STARD13: variants seen among roughly 807,000 people sequenced by gnomAD.
STARD13 encodes the protein stAR-related lipid transfer protein 13.
A neutral mutation model predicts 106.4 loss-of-function variants in STARD13; 62 were observed. The ratio of observed to expected loss-of-function variants is 0.58; its 90% CI spans 0.48 to 0.72. The LOEUF is 0.72. Among genes scored for constraint, STARD13 ranks in the 30% least tolerant of loss-of-function variants. The pLI is 0.00. For synonymous variants in STARD13, 565 were observed against 553.0 expected (o/e 1.02, Z -0.31); for missense variants, 1,387 against 1,424.0 (o/e 0.97, Z 0.42).
chr13:33,247,219 AT>A (rs1156767608), intron 1 of STARD13, among the ~76,000 whole-genome samples: 2,763 of 143,920 alleles, frequency 0.019, 92 homozygotes, highest in African/African-American at 0.066. Flanking sequence ...AAATAAATAA[AT>A]TAAATAAATA....
At chr13:33,198,725 A>C (rs1464734779) in intron 1 of STARD13, among the ~76,000 whole-genome samples, 1 of 152,136 alleles carries the variant, frequency 6.6e-6, no homozygotes, top group Admixed American at 6.5e-5. Context: ...TCTATAGTCT[A>C]AAATTGGGCC....
At chr13:33,461,366 C>T in the STARD13 span, among the ~76,000 whole-genome samples, 9 of 152,270 alleles carry the variant, frequency 5.9e-5, no homozygotes, top group South Asian at 1.9e-3. Flanking sequence ...CCTTCTCTGT[C>T]CTAAACAATG....
intron 1 of STARD13, among the ~76,000 whole-genome samples, chr13:33,227,301 A>G (rs1385741475): frequency 6.6e-6 from 1 of 152,268 alleles, no homozygotes; most frequent in African/African-American, 2.4e-5. Context: ...ATGTCCTCAT[A>G]GATAGCTAAA....
chr13:33,504,808 G>A, the STARD13 span, among the ~76,000 whole-genome samples: 2 of 152,274 alleles, frequency 1.3e-5, no homozygotes, highest in Non-Finnish European at 2.9e-5. Context: ...CTGCCAATGT[G>A]CAGGGATTAT....
At chr13:33,262,258 T>G (rs1473975385) in intron 1 of STARD13, among the ~76,000 whole-genome samples, 4 of 152,194 alleles carry the variant, frequency 2.6e-5, no homozygotes, top group Non-Finnish European at 5.9e-5. Context: ...CAGTGAGACA[T>G]TCTGCATCAG....
At chr13:33,226,581 T>C (rs949405835) in intron 1 of STARD13, among the ~76,000 whole-genome samples, 11 of 151,942 alleles carry the variant, frequency 7.2e-5, no homozygotes, top group Non-Finnish European at 1.6e-4. Flanking sequence ...ATTATAGTCA[T>C]GCATCACCAC....
the STARD13 span, among the ~76,000 whole-genome samples, chr13:33,383,180 G>C: frequency 3.9e-5 from 6 of 151,972 alleles, no homozygotes; most frequent in Non-Finnish European, 8.8e-5. Context: ...CATGCCACAT[G>C]GGTAGCGTAT....
the STARD13 span, among the ~76,000 whole-genome samples, chr13:33,655,932 A>G: frequency 0.082 from 12,497 of 152,032 alleles, 866 homozygotes; most frequent in Admixed American, 0.2. Context: ...AACATATTAG[A>G]AGCAGAGGTT....
chr13:33,370,016 C>A, the STARD13 span, among the ~76,000 whole-genome samples: 1 of 152,222 alleles, frequency 6.6e-6, no homozygotes, highest in Non-Finnish European at 1.5e-5. Flanking sequence ...TGGCCTTTAT[C>A]CTAGATGTTT....
chr13:33,382,978 G>T, the STARD13 span, among the ~76,000 whole-genome samples: 3 of 152,064 alleles, frequency 2.0e-5, no homozygotes, highest in African/African-American at 7.2e-5. Flanking sequence ...AACATAATTG[G>T]CATTTACATA....
chr13:33,116,298 C>A (rs770603815), intron 8 of STARD13, among the ~76,000 whole-genome samples: 2 of 152,206 alleles, frequency 1.3e-5, no homozygotes, highest in African/African-American at 4.8e-5. Flanking sequence ...TCACTTCCTC[C>A]ATGAAGCCCT....
chr13:33,384,948 A>G, the STARD13 span, among the ~76,000 whole-genome samples: 1 of 152,068 alleles, frequency 6.6e-6, no homozygotes, highest in Non-Finnish European at 1.5e-5. Flanking sequence ...AAGAATATAC[A>G]TAATCTTTTT....
chr13:33,251,810 C>T (rs1442381591), intron 1 of STARD13, among the ~76,000 whole-genome samples: 2 of 152,102 alleles, frequency 1.3e-5, no homozygotes, highest in African/African-American at 4.8e-5. Flanking sequence ...CTCTGCAAAC[C>T]TCAGATTTAC....
At position 33,165,328 on chromosome 13, in the gene STARD13, A is replaced by G. The variant is rs756856705; in HGVS notation, c.323+9T>C. The G allele has an allele frequency of 3.1e-6, 5 of 1,604,232 alleles. No individual in the cohort carries two copies. Among genetic ancestry groups the G allele is most frequent in the East Asian group, 2.2e-5 (1 of 44,810 alleles). On this transcript the variant is annotated intron_variant, in intron 3 of 13. Transcript: ENST00000336934. ...GTGGAAAGAAACAAAAATACTTCAC[A>G]TGGTTTACCTGCAAAGAGGTTCTAC... is the stretch of plus-strand genomic sequence containing the variant.
intron 1 of STARD13, among the ~76,000 whole-genome samples, chr13:33,305,589 C>T (rs1444004226): frequency 6.6e-6 from 1 of 152,174 alleles, no homozygotes; most frequent in Non-Finnish European, 1.5e-5. Flanking sequence ...TTATAATACC[C>T]TCTGTAAGTC....
chr13:33,455,324 A>G, the STARD13 span, among the ~76,000 whole-genome samples: 1 of 152,200 alleles, frequency 6.6e-6, no homozygotes, highest in African/African-American at 2.4e-5. Context: ...GTACTAAGAG[A>G]ATTTGAGAGA....
chr13:33,569,885 G>A, the STARD13 span, among the ~76,000 whole-genome samples: 29 of 147,458 alleles, frequency 2.0e-4, 3 homozygotes, highest in South Asian at 4.3e-4. Context: ...AAAGGCATGA[G>A]AATGATATAA....
chr13:33,224,412 T>A (rs1292319079), intron 1 of STARD13, among the ~76,000 whole-genome samples: 2 of 152,228 alleles, frequency 1.3e-5, no homozygotes, highest in South Asian at 4.1e-4. Context: ...AGCAGCTTCA[T>A]ACAACACAAG....
chr13:33,609,598 G>A, the STARD13 span, among the ~76,000 whole-genome samples: 2 of 146,192 alleles, frequency 1.4e-5, no homozygotes, highest in East Asian at 4.0e-4. Context: ...ATGGAGTCTC[G>A]CTGTGTTGCC....
Sources: allele counts gnomAD v4.1 joint callset (sites outside exome capture counted in the v4.1 genomes callset), GRCh38; gene constraint gnomAD v4.1.1; transcripts MANE v1.5; gene names NCBI Gene and HGNC (gene_info 2026-07-23, HGNC 2026-07-21).